Variants in POMT2 observed in about 807,000 individuals in gnomAD.
POMT2 encodes the protein protein O-mannosyltransferase 2.
Under a neutral mutation model 100.0 loss-of-function variants are expected in POMT2, and 75 were observed. That is an observed-to-expected ratio of 0.75 (90% CI 0.62 to 0.91). POMT2 has a LOEUF of 0.91. POMT2 is among the 40% of genes least tolerant of loss of function. The pLI is 0.00. For missense variants in POMT2, 940 were observed against 955.1 expected (o/e 0.98, Z 0.21); for synonymous variants, 378 against 374.1 (o/e 1.01, Z -0.12).
chr14:77,302,713 T>C (rs1459551176), intron 5 of POMT2, 122 bp downstream of exon 5: 3 of 765,228 alleles, frequency 3.9e-6, no homozygotes, highest in South Asian at 3.0e-5. Context: ...ACAAAAAGTA[T>C]GCTTGCCTTA....
At chr14:77,309,427 T>C (rs1002234172) in intron 2 of POMT2, among the ~76,000 whole-genome samples, 5 of 152,200 alleles carry the variant, frequency 3.3e-5, no homozygotes, top group Admixed American at 2.6e-4. Flanking sequence ...AACTTCCTGC[T>C]TGCTACTTGG....
intron 14 of POMT2, 91 bp from the exon 15 acceptor site, chr14:77,283,964 G>A: frequency 1.8e-6 from 2 of 1,125,850 alleles, no homozygotes; most frequent in South Asian, 2.5e-5. Flanking sequence ...GAATCCAAAT[G>A]CAGCCTTGCT....
chr14:77,301,048 A>G, intron 6 of POMT2, 42 bp downstream of exon 6: 1 of 1,612,946 alleles, frequency 6.2e-7, no homozygotes, highest in Non-Finnish European at 8.5e-7. Context: ...CAGCAACATC[A>G]GGGAGCAAAA....
intron 8 of POMT2, 89 bp downstream of exon 8, chr14:77,298,600 A>G (rs1474225265): frequency 7.1e-7 from 1 of 1,417,802 alleles, no homozygotes; most frequent in Non-Finnish European, 9.8e-7. Flanking sequence ...AGGCTAAAAT[A>G]ACCCAAAGCC....
chr14:77,320,271 G>T, intron 1 of POMT2, 163 bp downstream of exon 1: 2 of 1,210,480 alleles, frequency 1.7e-6, no homozygotes, highest in Non-Finnish European at 2.3e-6. Flanking sequence ...CCCCCTCCCA[G>T]AGAATGCACC....
intron 9 of POMT2, among the ~76,000 whole-genome samples, chr14:77,294,285 G>A (rs58133038): frequency 0.015 from 2,291 of 152,244 alleles, 48 homozygotes; most frequent in African/African-American, 0.052. Flanking sequence ...GGAGATGATT[G>A]AGTCACGAGT....
chr14:77,278,378 G>T lies in POMT2; in HGVS notation c.2147+16C>A. The T allele has an allele frequency of 2.1e-6, 3 of 1,454,464 alleles. No individual in the cohort carries two copies. Among genetic ancestry groups the T allele is most frequent in the Non-Finnish European group, 2.8e-6 (3 of 1,059,724 alleles). 90.1% of individuals were successfully genotyped at this position (1,454,464 alleles called of 1,614,324 possible). ...AGCCCACACTGGGAGGGCATGTGAGGTGCAGAGATGCTCACCTGTAGGCAG... is the reference window on the plus strand; with the variant it reads ...AGCCCACACTGGGAGGGCATGTGAGTTGCAGAGATGCTCACCTGTAGGCAG... On this transcript the variant is annotated intron_variant, in intron 20 of 20. Transcript: ENST00000261534.
At chr14:77,297,103 C>T (rs560363746) in intron 8 of POMT2, among the ~76,000 whole-genome samples, 6 of 152,360 alleles carry the variant, frequency 3.9e-5, no homozygotes, top group South Asian at 2.1e-4. Context: ...AAAGAGAGGA[C>T]GACTTGATCG....
At chr14:77,303,821 A>G (rs866156609) in intron 4 of POMT2, among the ~76,000 whole-genome samples, 9 of 152,116 alleles carry the variant, frequency 5.9e-5, no homozygotes, top group South Asian at 4.1e-4. Context: ...AGACTTATTC[A>G]TTTACTTGTT....
At position 77,302,961 on chromosome 14, in the gene POMT2, G is replaced by A. The variant is rs762471841; in HGVS notation, c.548-18C>T. 1.3e-5 allele frequency: 21 copies of A among 1,589,864 alleles called. No individual in the cohort carries two copies. In the East Asian group the frequency reaches 1.3e-4, roughly 10 times the overall value. On this transcript the variant is annotated intron_variant, in intron 4 of 20. Transcript: ENST00000261534. ...TCCCGTGTCTGAAAAACATGAGCTC[G>A]CTGGTGAAAAAGCGAGGTAAGAGAA... is the stretch of plus-strand genomic sequence containing the variant.
At chr14:77,313,683 TTTTTG>T (rs374399507) in intron 1 of POMT2, among the ~76,000 whole-genome samples, 33 of 152,248 alleles carry the variant, frequency 2.2e-4, no homozygotes, top group African/African-American at 4.1e-4. Flanking sequence ...GATTCCAGTT[TTTTTG>T]TTTTGTTTTG....
At chr14:77,278,337 G>T in intron 20 of POMT2, 57 bp downstream of exon 20, 2 of 1,327,542 alleles carry the variant, frequency 1.5e-6, no homozygotes, top group South Asian at 1.3e-5. Context: ...AATGCATCAG[G>T]GCTGAGGCAC....
intron 1 of POMT2, among the ~76,000 whole-genome samples, chr14:77,312,994 T>C (rs192057316): frequency 6.6e-6 from 1 of 152,234 alleles, no homozygotes; most frequent in African/African-American, 2.4e-5. Flanking sequence ...AATAAGTGAT[T>C]TGAATAAACA....
rs1233838351 is a variant in POMT2, at chr14:77,278,837, G to A, written c.1924C>T (p.Gln642Ter). ...TGGAGTGTCCAGCCGAGCAGGACCT[G>A]GCCGCCTCCTCGAAGCAGGACCTGG... Reference protein sequence around the residue: ...LSQVLLRGGGQVLLGWTLHYF... With the variant: ...LSQVLLRGGG Residue 642 changes from glutamine to a stop codon, truncating the protein, a stop_gained, in exon 19 of 21, where the codon CAG (glutamine) becomes TAG (stop). Transcript: ENST00000261534. LOFTEE classifies it high-confidence loss of function. 6.2e-7 allele frequency: 1 copy of A among 1,613,480 alleles called. No individual in the cohort carries two copies. The highest frequency in any genetic ancestry group is 8.5e-7 in the Non-Finnish European group (1 of 1,179,776).
intron 1 of POMT2, among the ~76,000 whole-genome samples, chr14:77,312,793 G>C (rs1447690034): frequency 6.6e-6 from 1 of 152,214 alleles, no homozygotes; most frequent in Non-Finnish European, 1.5e-5. Context: ...TTGGGCTGCT[G>C]GTCAGAGTTG....
chr14:77,310,049 A>T (rs749639191), intron 2 of POMT2, among the ~76,000 whole-genome samples: 27 of 152,050 alleles, frequency 1.8e-4, no homozygotes, highest in Non-Finnish European at 3.7e-4. Flanking sequence ...AACCAGGAAA[A>T]CTCCAAAAAA....
chr14:77,306,552 G>A, intron 2 of POMT2, 111 bp from the exon 3 acceptor site: 1 of 1,250,092 alleles, frequency 8.0e-7, no homozygotes, highest in Non-Finnish European at 1.1e-6. Context: ...CTTGACAACT[G>A]TCCATAGAAA....
chr14:77,307,341 A>G (rs925742434), intron 2 of POMT2, among the ~76,000 whole-genome samples: 1 of 152,170 alleles, frequency 6.6e-6, no homozygotes, highest in African/African-American at 2.4e-5. Context: ...GATTTAGACT[A>G]CTAACCAACC....
At chr14:77,304,308 G>C (rs959297373) in intron 4 of POMT2, among the ~76,000 whole-genome samples, 2 of 152,118 alleles carry the variant, frequency 1.3e-5, no homozygotes, top group Non-Finnish European at 2.9e-5. Flanking sequence ...ATATTCAGTT[G>C]AAATTAGTTA....
Sources: gnomAD v4.1 joint callset for allele counts (sites outside exome capture counted in the v4.1 genomes callset) on GRCh38, gnomAD v4.1.1 for gene constraint, MANE v1.5 for transcripts, NCBI Gene and HGNC (gene_info 2026-07-23, HGNC 2026-07-21) for gene names.